CTNNA3: variants seen among roughly 807,000 people sequenced by gnomAD.
CTNNA3 encodes catenin alpha-3.
A neutral mutation model predicts 95.7 loss-of-function variants in CTNNA3; 76 were observed. That is an observed-to-expected ratio of 0.79 (90% CI 0.66 to 0.96). The LOEUF (loss-of-function observed/expected upper bound fraction) is 0.96, where lower values mean the gene tolerates loss of function less well. Ranked by LOEUF, CTNNA3 falls within the 40% of genes least tolerant of loss-of-function variation. The pLI is 0.00. For missense variants in CTNNA3, 1,191 were observed against 1,089.8 expected (o/e 1.09, Z -1.31); for synonymous variants, 431 against 374.4 (o/e 1.15, Z -1.74).
At chr10:66,623,037 A>T in intron 9 of CTNNA3, among the ~76,000 whole-genome samples, 1 of 152,082 alleles carries the variant, frequency 6.6e-6, no homozygotes, top group South Asian at 2.1e-4. Flanking sequence ...TGTTGGCTTG[A>T]AGGTCACAAT....
chr10:65,985,340 T>C (rs10822687), intron 16 of CTNNA3, among the ~76,000 whole-genome samples: 101,050 of 150,884 alleles, frequency 0.67, 34,036 homozygotes, highest in Non-Finnish European at 0.7. Context: ...AATAATATTA[T>C]ACCTCAGTCT....
At chr10:67,752,676 C>T (rs1338710118) in intron 1 of CTNNA3, among the ~76,000 whole-genome samples, 1 of 152,134 alleles carries the variant, frequency 6.6e-6, no homozygotes, top group African/African-American at 2.4e-5. Flanking sequence ...TTCCTATACA[C>T]CAACAATAGA....
At chr10:66,852,918 A>G (rs953746148) in intron 7 of CTNNA3, among the ~76,000 whole-genome samples, 1 of 152,180 alleles carries the variant, frequency 6.6e-6, no homozygotes, top group Non-Finnish European at 1.5e-5. Flanking sequence ...ACCACTAGTC[A>G]TAATTCTCTT....
intron 12 of CTNNA3, among the ~76,000 whole-genome samples, chr10:66,333,214 G>A (rs1008661356): frequency 1.3e-5 from 2 of 151,644 alleles, no homozygotes; most frequent in African/African-American, 4.8e-5. Flanking sequence ...AGGGTTTTTT[G>A]TGTCTCTATC....
chr10:65,976,832 TA>T (rs2078215959), intron 16 of CTNNA3, among the ~76,000 whole-genome samples: 1 of 152,136 alleles, frequency 6.6e-6, no homozygotes, highest in African/African-American at 2.4e-5. Context: ...ATTTTTTTTC[TA>T]TTGAGTTCTG....
At chr10:67,368,148 C>T (rs1185142858) in intron 5 of CTNNA3, among the ~76,000 whole-genome samples, 4 of 151,938 alleles carry the variant, frequency 2.6e-5, no homozygotes. Context: ...AGGACTTATA[C>T]CTAGAATATT....
chr10:67,132,526 T>C (rs1860069751), intron 7 of CTNNA3, among the ~76,000 whole-genome samples: 1 of 152,058 alleles, frequency 6.6e-6, no homozygotes, highest in South Asian at 2.1e-4. Flanking sequence ...CGATCCTTTC[T>C]AGTAATATTT....
At chr10:66,099,661 T>A (rs956093488) in intron 14 of CTNNA3, among the ~76,000 whole-genome samples, 1 of 152,010 alleles carries the variant, frequency 6.6e-6, no homozygotes, top group African/African-American at 2.4e-5. Context: ...ATGTAAGGGG[T>A]GTTATTGGTA....
intron 13 of CTNNA3, among the ~76,000 whole-genome samples, chr10:66,161,235 G>C (rs1249553800): frequency 6.6e-6 from 1 of 152,004 alleles, no homozygotes; most frequent in African/African-American, 2.4e-5. Flanking sequence ...TGTTACTTGT[G>C]TACTTTGGAT....
At chr10:66,535,716 G>C (rs1440472988) in intron 10 of CTNNA3, among the ~76,000 whole-genome samples, 1 of 152,122 alleles carries the variant, frequency 6.6e-6, no homozygotes, top group African/African-American at 2.4e-5. Flanking sequence ...TGTGGTGAGG[G>C]ATGGGGAGGG....
chr10:67,741,173 G>A (rs1032788803), intron 1 of CTNNA3, among the ~76,000 whole-genome samples: 2 of 150,964 alleles, frequency 1.3e-5, no homozygotes, highest in Non-Finnish European at 3.0e-5. Context: ...ATGGGGAGAG[G>A]GGGGAGAGAT....
chr10:66,852,749 C>T (rs559211983), intron 7 of CTNNA3, among the ~76,000 whole-genome samples: 1 of 152,194 alleles, frequency 6.6e-6, no homozygotes, highest in African/African-American at 2.4e-5. Flanking sequence ...CATAAGTTTA[C>T]ATAAAAATCT....
chr10:67,670,635 A>G (rs1840412445), intron 1 of CTNNA3, among the ~76,000 whole-genome samples: 1 of 152,154 alleles, frequency 6.6e-6, no homozygotes, highest in Admixed American at 6.6e-5. Context: ...TCCCAAGCCA[A>G]TCCACTTTTA....
chr10:66,709,857 A>C (rs576566600), intron 9 of CTNNA3, among the ~76,000 whole-genome samples: 1 of 152,258 alleles, frequency 6.6e-6, no homozygotes, highest in African/African-American at 2.4e-5. Flanking sequence ...AACATTCTTT[A>C]ACCAAATCAG....
intron 5 of CTNNA3, among the ~76,000 whole-genome samples, chr10:67,280,668 G>GC (rs1294977538): frequency 6.6e-6 from 1 of 151,900 alleles, no homozygotes; most frequent in Non-Finnish European, 1.5e-5. Flanking sequence ...GTGCACATAG[G>GC]CCCCCAGTGC....
intron 4 of CTNNA3, among the ~76,000 whole-genome samples, chr10:67,530,627 A>C (rs1294031952): frequency 6.6e-6 from 1 of 152,192 alleles, no homozygotes; most frequent in Non-Finnish European, 1.5e-5. Context: ...AAGTTTGGAA[A>C]ATTTGCAACC....
At chr10:66,556,216 G>C (rs1186683613) in intron 10 of CTNNA3, among the ~76,000 whole-genome samples, 1 of 151,934 alleles carries the variant, frequency 6.6e-6, no homozygotes, top group East Asian at 1.9e-4. Context: ...AAGATTATAA[G>C]TGTTGGCAAG....
intron 14 of CTNNA3, among the ~76,000 whole-genome samples, chr10:66,097,702 T>C (rs1377376213): frequency 2.0e-5 from 3 of 152,150 alleles, no homozygotes; most frequent in African/African-American, 7.2e-5. Flanking sequence ...TGAAGAGCCT[T>C]TTTAAACCCA....
At chr10:66,247,138 A>G (rs779041281) in intron 13 of CTNNA3, among the ~76,000 whole-genome samples, 11 of 152,276 alleles carry the variant, frequency 7.2e-5, no homozygotes, top group South Asian at 2.1e-4. Flanking sequence ...AAAATGTATT[A>G]AAAATTGAAG....
Sources: allele counts gnomAD v4.1 joint callset (sites outside exome capture counted in the v4.1 genomes callset), GRCh38; gene constraint gnomAD v4.1.1; transcripts MANE v1.5; gene names NCBI Gene and HGNC (gene_info 2026-07-23, HGNC 2026-07-21).